The following ZNF385D variants were observed in gnomAD, a reference collection of about 807,000 sequenced individuals.
ZNF385D encodes zinc finger protein 659.
A neutral mutation model predicts 35.8 loss-of-function variants in ZNF385D; 15 were observed. The observed-to-expected ratio is 0.42, with a 90% confidence interval of 0.28 to 0.64. ZNF385D has a LOEUF of 0.64. ZNF385D is among the 30% of genes least tolerant of loss of function. The pLI is 0.23. For synonymous variants in ZNF385D, 212 were observed against 186.8 expected (o/e 1.13, Z -1.10); for missense variants, 474 against 494.6 (o/e 0.96, Z 0.39).
At chr3:22,168,791 G>T in intron 3 of ZNF385D, 1 of 982,320 alleles carries the variant, frequency 1.0e-6, no homozygotes, top group Non-Finnish European at 1.2e-6. Context: ...ATGTAAAATT[G>T]AGAAAATATT....
intron 3 of ZNF385D, among the ~76,000 whole-genome samples, chr3:22,119,694 A>G (rs891217537): frequency 6.6e-6 from 1 of 152,120 alleles, no homozygotes; most frequent in African/African-American, 2.4e-5. Flanking sequence ...GCAGTGGTAG[A>G]TTGGAAGATA....
intron 3 of ZNF385D, among the ~76,000 whole-genome samples, chr3:21,772,479 A>T (rs1437990990): frequency 1.3e-5 from 2 of 151,962 alleles, no homozygotes; most frequent in African/African-American, 4.8e-5. Context: ...ATATGAAAAG[A>T]TGCTCACAAA....
intron 3 of ZNF385D, among the ~76,000 whole-genome samples, chr3:21,812,605 A>C (rs1334769251): frequency 6.6e-6 from 1 of 152,214 alleles, no homozygotes; most frequent in Non-Finnish European, 1.5e-5. Context: ...CTGCTAGCAC[A>C]GCAGTCCGAG....
At chr3:21,964,412 T>TAAAAAAAAAAAAAAA (rs60635259) in intron 3 of ZNF385D, among the ~76,000 whole-genome samples, 3 of 71,482 alleles carry the variant, frequency 4.2e-5, no homozygotes, top group South Asian at 6.1e-4. Context: ...GTCCTTTTTG[T>TAAAAAAAAAAAAAAA]AAAAAAAAAA....
intron 3 of ZNF385D, among the ~76,000 whole-genome samples, chr3:21,541,886 A>G (rs2062185878): frequency 6.6e-6 from 1 of 152,220 alleles, no homozygotes; most frequent in Non-Finnish European, 1.5e-5. Context: ...AAAAAGAGAT[A>G]CAAAAAAACT....
chr3:22,000,088 GA>G (rs1420119827), intron 3 of ZNF385D, among the ~76,000 whole-genome samples: 3 of 152,034 alleles, frequency 2.0e-5, no homozygotes, highest in African/African-American at 7.2e-5. Flanking sequence ...GGCAGATCAT[GA>G]GCTCAGGAGA....
intron 2 of ZNF385D, among the ~76,000 whole-genome samples, chr3:22,330,117 C>A (rs551818521): frequency 2.0e-5 from 3 of 152,238 alleles, no homozygotes; most frequent in South Asian, 2.1e-4. Context: ...ATCTATTGAG[C>A]TTTTCATTTC....
At chr3:21,481,438 G>A (rs1008075946) in intron 4 of ZNF385D, among the ~76,000 whole-genome samples, 2 of 152,126 alleles carry the variant, frequency 1.3e-5, no homozygotes, top group Non-Finnish European at 2.9e-5. Context: ...AATGCCCCAG[G>A]CCAGTTTATT....
chr3:21,727,236 G>C (rs1433397021), intron 1 of ZNF385D, among the ~76,000 whole-genome samples: 2 of 152,078 alleles, frequency 1.3e-5, no homozygotes, highest in African/African-American at 4.8e-5. Flanking sequence ...GAAAAGCTAG[G>C]CAATACCATT....
At chr3:21,783,899 C>T (rs985834707) in intron 3 of ZNF385D, among the ~76,000 whole-genome samples, 14 of 152,134 alleles carry the variant, frequency 9.2e-5, no homozygotes, top group African/African-American at 3.1e-4. Context: ...TTGATCGACA[C>T]CCACTTCCTA....
At chr3:22,204,692 A>T (rs1024630784) in intron 2 of ZNF385D, among the ~76,000 whole-genome samples, 3 of 152,050 alleles carry the variant, frequency 2.0e-5, no homozygotes, top group Admixed American at 2.0e-4. Context: ...ATCAAGCAGA[A>T]ATTCTGGAAT....
At chr3:22,003,951 G>GT (rs1696028819) in intron 3 of ZNF385D, among the ~76,000 whole-genome samples, 1 of 136,862 alleles carries the variant, frequency 7.3e-6, no homozygotes, top group Admixed American at 7.0e-5. Context: ...GCAATCCTGA[G>GT]TAAAAAAAAA....
intron 2 of ZNF385D, among the ~76,000 whole-genome samples, chr3:22,327,673 C>G (rs533099296): frequency 2.0e-5 from 3 of 152,184 alleles, no homozygotes; most frequent in Admixed American, 2.0e-4. Context: ...TTATTTTGCA[C>G]TCCCAGTGGA....
At chr3:21,605,390 G>GT (rs1357219397) in intron 2 of ZNF385D, among the ~76,000 whole-genome samples, 1 of 152,136 alleles carries the variant, frequency 6.6e-6, no homozygotes. Context: ...GGTAAGAAGA[G>GT]TAAGACAGAA....
chr3:22,043,906 G>A (rs920612569), intron 3 of ZNF385D, among the ~76,000 whole-genome samples: 3 of 152,084 alleles, frequency 2.0e-5, no homozygotes, highest in Non-Finnish European at 4.4e-5. Context: ...AAAGAAGTGA[G>A]GGAGGCCTCC....
At chr3:21,862,230 G>A (rs954049167) in intron 3 of ZNF385D, among the ~76,000 whole-genome samples, 1 of 151,308 alleles carries the variant, frequency 6.6e-6, no homozygotes, top group Non-Finnish European at 1.5e-5. Context: ...ATTAGGGATA[G>A]AAACAGCCCT....
At chr3:22,279,563 CATAT>C (rs541616185) in intron 2 of ZNF385D, among the ~76,000 whole-genome samples, 2 of 136,366 alleles carry the variant, frequency 1.5e-5, no homozygotes, top group East Asian at 2.1e-4. Flanking sequence ...TACATATGTA[CATAT>C]ATATGTATAT....
intron 3 of ZNF385D, among the ~76,000 whole-genome samples, chr3:21,827,883 T>G (rs534182301): frequency 8.5e-5 from 13 of 152,212 alleles, no homozygotes; most frequent in Non-Finnish European, 1.6e-4. Flanking sequence ...TAGCATATGT[T>G]TCTATATTCA....
At chr3:22,198,515 A>G (rs1380078836) in intron 2 of ZNF385D, among the ~76,000 whole-genome samples, 1 of 152,098 alleles carries the variant, frequency 6.6e-6, no homozygotes, top group Non-Finnish European at 1.5e-5. Context: ...GAGAGAAGTT[A>G]TGTTTTCTAA....
Sources: allele counts gnomAD v4.1 joint callset (sites outside exome capture counted in the v4.1 genomes callset), GRCh38; gene constraint gnomAD v4.1.1; transcripts MANE v1.5; gene names NCBI Gene and HGNC (gene_info 2026-07-23, HGNC 2026-07-21).